DOCK9: variants seen among roughly 807,000 people sequenced by gnomAD.
DOCK9 encodes dedicator of cytokinesis protein 9.
Under a neutral mutation model 263.3 loss-of-function variants are expected in DOCK9, and 89 were observed. The observed-to-expected ratio is 0.34, with a 90% CI of 0.28 to 0.40. The LOEUF (loss-of-function observed/expected upper bound fraction) is 0.40, where lower values mean the gene tolerates loss of function less well. Ranked by LOEUF, DOCK9 falls within the 10% of genes least tolerant of loss-of-function variation. The probability of loss-of-function intolerance (pLI) is 1.00; values close to 1 mark genes in which losing one functional copy is unlikely to be tolerated. For missense variants in DOCK9, 2,140 were observed against 2,603.4 expected (o/e 0.82, Z 3.87); for synonymous variants, 976 against 973.1 (o/e 1.00, Z -0.06).
exon 1 of DOCK9, chr13:99,086,439 C>A: frequency 1.2e-6 from 1 of 865,222 alleles, no homozygotes; most frequent in Non-Finnish European, 1.4e-6. Context: ...GCGCCCGGCC[C>A]GCTCCGCCCG....
At chr13:98,801,440 A>G (rs1458830433) in intron 49 of DOCK9, among the ~76,000 whole-genome samples, 1 of 152,196 alleles carries the variant, frequency 6.6e-6, no homozygotes, top group Non-Finnish European at 1.5e-5. Context: ...TGAATAAGAA[A>G]TAAAAATAAA....
At chr13:98,859,579 T>A (rs968105017) in intron 33 of DOCK9, 4 of 152,096 alleles carry the variant, frequency 2.6e-5, no homozygotes, top group African/African-American at 9.7e-5. Context: ...TGCCATTTAT[T>A]TTATCCCATG....
chr13:98,885,107 GAAC>G lies in DOCK9; in HGVS notation c.2261-18_2261-16del, dbSNP rs200864808. The G allele has an allele frequency of 1.5e-3, 2,350 of 1,612,538 alleles. 26 individuals are homozygous for G. The African/African-American group carries it at 0.028, about 19-fold the overall frequency. ...GGAGTAGCCAACTGTTGAAAACAAA[GAAC>G]AACAACAACAACAGAACACTGTGAG... On this transcript the variant is annotated splice_polypyrimidine_tract_variant and intron_variant, in intron 20 of 52. Coordinates refer to ENST00000682017, the MANE Select transcript of DOCK9 (RefSeq NM_001366683.2).
intron 15 of DOCK9, among the ~76,000 whole-genome samples, chr13:98,890,731 A>G (rs2046492629): frequency 6.6e-6 from 1 of 152,290 alleles, no homozygotes; most frequent in African/African-American, 2.4e-5. Context: ...GTCACTCCTC[A>G]GTACATCTTG....
rs1433650000 is a variant in DOCK9, at chr13:98,817,025, T to C, written c.5131-6734A>G. Among the ~76,000 whole-genome samples the C allele has an allele frequency of 2.6e-5, 4 of 152,176 alleles. No individual in the cohort carries two copies. The East Asian group carries it at 5.8e-4, about 22-fold the overall frequency. On this transcript the variant is annotated intron_variant, in intron 45 of 52. Transcript: ENST00000682017. ...ATATGTAGACACACATCAACCACCA[T>C]AACAGACAATAAGGTATTATATAAG... is the stretch of plus-strand genomic sequence containing the variant.
At chr13:99,037,328 C>T (rs545204273) in intron 1 of DOCK9, among the ~76,000 whole-genome samples, 6 of 151,692 alleles carry the variant, frequency 4.0e-5, no homozygotes, top group East Asian at 1.9e-4. Flanking sequence ...ACAAACATTT[C>T]GCCAAAAAAA....
intron 1 of DOCK9, among the ~76,000 whole-genome samples, chr13:99,003,831 A>C (rs1265611550): frequency 6.6e-6 from 1 of 152,202 alleles, no homozygotes; most frequent in Non-Finnish European, 1.5e-5. Flanking sequence ...CTGCAGGATA[A>C]GTACAGTATG....
At chr13:98,972,720 A>G (rs1241844011) in intron 1 of DOCK9, among the ~76,000 whole-genome samples, 2 of 152,210 alleles carry the variant, frequency 1.3e-5, no homozygotes, top group African/African-American at 4.8e-5. Context: ...AATCTGAAGC[A>G]CGTCCTTCCT....
chr13:98,860,661 T>C, intron 32 of DOCK9, 139 bp from the exon 33 acceptor site: 1 of 728,298 alleles, frequency 1.4e-6, no homozygotes. Context: ...AGGAGTAGCC[T>C]TGAGGCGTGG....
chr13:99,016,756 T>C (rs1031257090), intron 1 of DOCK9, among the ~76,000 whole-genome samples: 3 of 152,318 alleles, frequency 2.0e-5, no homozygotes, highest in African/African-American at 7.2e-5. Flanking sequence ...GGAAAACTTT[T>C]CCCAGCCACA....
At chr13:99,083,977 C>A (rs921359273) in intron 1 of DOCK9, among the ~76,000 whole-genome samples, 1 of 152,182 alleles carries the variant, frequency 6.6e-6, no homozygotes, top group East Asian at 1.9e-4. Context: ...TTAGTGCTGA[C>A]CCAAGTTATC....
chr13:98,844,204 G>C (rs1292823126), intron 38 of DOCK9, among the ~76,000 whole-genome samples: 2 of 152,150 alleles, frequency 1.3e-5, no homozygotes, highest in East Asian at 1.9e-4. Flanking sequence ...AAAAAATCAA[G>C]TACTGTAGCC....
chr13:98,985,678 G>T (rs900706922), intron 1 of DOCK9, among the ~76,000 whole-genome samples: 2 of 152,220 alleles, frequency 1.3e-5, no homozygotes, highest in Admixed American at 6.5e-5. Context: ...AAAGCCAAGA[G>T]AAACATAATG....
chr13:99,001,888 G>C (rs1446623783), intron 1 of DOCK9, among the ~76,000 whole-genome samples: 1 of 152,148 alleles, frequency 6.6e-6, no homozygotes, highest in Non-Finnish European at 1.5e-5. Flanking sequence ...AAGAATGTTA[G>C]GGCCCTATGA....
intron 4 of DOCK9, 112 bp from the exon 5 acceptor site, chr13:98,923,483 G>C (rs2052414446): frequency 1.2e-6 from 1 of 847,384 alleles, no homozygotes; most frequent in Non-Finnish European, 2.0e-6. Flanking sequence ...AGATGGCCCA[G>C]CTTCTTTATT....
At chr13:98,994,446 C>A (rs1430938465) in intron 1 of DOCK9, among the ~76,000 whole-genome samples, 1 of 152,172 alleles carries the variant, frequency 6.6e-6, no homozygotes, top group Non-Finnish European at 1.5e-5. Flanking sequence ...AAACCGGCCC[C>A]CTCAACAAAG....
chr13:98,979,432 G>T (rs1301648681), upstream of DOCK9, among the ~76,000 whole-genome samples: 1 of 152,094 alleles, frequency 6.6e-6, no homozygotes, highest in African/African-American at 2.4e-5. Flanking sequence ...GGAGAACTGA[G>T]ATGCCACCCA....
intron 1 of DOCK9, among the ~76,000 whole-genome samples, chr13:99,030,938 G>A (rs1041813325): frequency 6.6e-6 from 1 of 152,100 alleles, no homozygotes; most frequent in African/African-American, 2.4e-5. Flanking sequence ...ATTGCTAGAT[G>A]ATGATAAATG....
At chr13:99,011,723 G>A (rs997417897) in intron 1 of DOCK9, among the ~76,000 whole-genome samples, 33 of 147,040 alleles carry the variant, frequency 2.2e-4, no homozygotes, top group Admixed American at 2.2e-3. Context: ...CTGAGGAACA[G>A]AGTGGTTAAG....
Sources: gnomAD v4.1 joint callset for allele counts (sites outside exome capture counted in the v4.1 genomes callset) on GRCh38, gnomAD v4.1.1 for gene constraint, MANE v1.5 for transcripts, NCBI Gene and HGNC (gene_info 2026-07-23, HGNC 2026-07-21) for gene names.